SERINC5: variants seen among roughly 807,000 people sequenced by gnomAD.
The protein encoded by SERINC5 is serine incorporator 5.
SERINC5 carries 41 observed loss-of-function variants against 63.1 expected under a neutral mutation model. That is an observed-to-expected ratio of 0.65 (90% CI 0.51 to 0.84). The LOEUF (loss-of-function observed/expected upper bound fraction) is 0.84. Among genes scored for constraint, SERINC5 ranks in the 40% least tolerant of loss-of-function variants. The pLI, the probability that SERINC5 is intolerant of heterozygous loss-of-function variation, is 0.00. For missense variants in SERINC5, 523 were observed against 573.0 expected, an observed-to-expected ratio of 0.91 and a Z score of 0.89; for synonymous variants, 222 against 215.2, an observed-to-expected ratio of 1.03 and a Z score of -0.28.
chr5:80,152,831 C>T (rs112388840), intron 8 of SERINC5, among the ~76,000 whole-genome samples: 8,222 of 152,198 alleles, frequency 0.054, 756 homozygotes, highest in African/African-American at 0.19. Context: ...ATCCCAGCTG[C>T]TCAGGGGGCT....
chr5:80,116,458 C>G, intron 11 of SERINC5: 1 of 406,194 alleles, frequency 2.5e-6, no homozygotes, highest in East Asian at 7.3e-5. Context: ...CCGTTCCCTT[C>G]CCTGGGACTT....
chr5:80,184,487 GCCAGGGC>G (rs1296663123), intron 2 of SERINC5, among the ~76,000 whole-genome samples: 1 of 152,156 alleles, frequency 6.6e-6, no homozygotes, highest in Non-Finnish European at 1.5e-5. Context: ...CTGGAATGCG[GCCAGGGC>G]CCTTTAAGGC....
In SERINC5 at chr5:80,177,411, G is replaced by GA. The variant is rs751813287; in HGVS notation, c.375-15dup. ...AAGAACCAAAAGCTAGAAGTGGGGGGAAAAAAAAGAGGAAATGTATTTAAA... is the reference window on the plus strand; with the variant it reads ...AAGAACCAAAAGCTAGAAGTGGGGGGAAAAAAAAAGAGGAAATGTATTTAAA... On this transcript the variant is annotated splice_polypyrimidine_tract_variant and intron_variant, in intron 3 of 11. Coordinates refer to ENST00000507668, the MANE Select transcript of SERINC5 (RefSeq NM_001174072.3). 52 of 1,583,630 alleles carry GA rather than the reference G, an allele frequency of 3.3e-5. No individual in the cohort carries two copies. The highest frequency in any genetic ancestry group is 5.6e-5 in the South Asian group (5 of 89,484).
Position 80,139,550 on chromosome 5 carries a change from C to T in SERINC5, c.*4113G>A. ...TTTGGTAAAGGCCAAATATTTCAAC[C>T]TTTCAAAATGACTGCCTCTGTGAAA... On this transcript the variant is annotated 3_prime_UTR_variant, in exon 12 of 12. Transcript: ENST00000507668. 1.0e-6 allele frequency: 1 copy of T among 982,936 alleles called. No individual in the cohort carries two copies. The highest frequency in any genetic ancestry group is 1.8e-5 in the African/African-American group (1 of 55,240). 60.9% of individuals were successfully genotyped at this position (982,936 alleles called of 1,614,324 possible).
At chr5:80,153,777 G>C (rs1198851248) in intron 8 of SERINC5, among the ~76,000 whole-genome samples, 1 of 150,408 alleles carries the variant, frequency 6.6e-6, no homozygotes. Context: ...CAGCCAAAAT[G>C]CCAGCAGTGC....
At chr5:80,182,228 G>A (rs1018756383) in intron 2 of SERINC5, among the ~76,000 whole-genome samples, 2 of 152,220 alleles carry the variant, frequency 1.3e-5, no homozygotes, top group Non-Finnish European at 2.9e-5. Context: ...ACAAATGTTC[G>A]TGGACCTGGT....
chr5:80,143,049 A>C lies in SERINC5; in HGVS notation c.*614T>G, dbSNP rs1241022016. 2.0e-6 allele frequency: 2 copies of C among 985,320 alleles called. No individual in the cohort carries two copies. The highest frequency in any genetic ancestry group is 1.7e-5 in the African/African-American group (1 of 57,212). The allele number at this position is 985,320 out of a possible 1,614,324, so 61.0% of individuals were successfully genotyped here. On this transcript the variant is annotated 3_prime_UTR_variant, in exon 12 of 12. Coordinates refer to ENST00000507668, the MANE Select transcript of SERINC5 (RefSeq NM_001174072.3). ...ACCTCGGGGAAGGGTGCAGGCAGAGAGTGAAGTCTGTGATTCCCAGCATCA... is the reference window on the plus strand; with the variant it reads ...ACCTCGGGGAAGGGTGCAGGCAGAGCGTGAAGTCTGTGATTCCCAGCATCA...
intron 1 of SERINC5, among the ~76,000 whole-genome samples, chr5:80,211,688 T>C (rs1049821736): frequency 1.2e-4 from 18 of 152,206 alleles, no homozygotes; most frequent in African/African-American, 4.3e-4. Context: ...TAAGTTGATG[T>C]GAAAGCCTGA....
chr5:80,167,057 A>C (rs943429573), intron 6 of SERINC5: 1 of 152,462 alleles, frequency 6.6e-6, no homozygotes, highest in Non-Finnish European at 1.5e-5. Context: ...GAATGGCTTT[A>C]AGGTTATTTA....
chr5:80,241,199 A>G (rs1342720686), intron 1 of SERINC5, among the ~76,000 whole-genome samples: 1 of 152,028 alleles, frequency 6.6e-6, no homozygotes, highest in Non-Finnish European at 1.5e-5. Flanking sequence ...GGCTGGGCAC[A>G]GTGGCTCACA....
intron 1 of SERINC5, among the ~76,000 whole-genome samples, chr5:80,230,301 A>T (rs7714082): frequency 0.53 from 80,827 of 151,632 alleles, 22,820 homozygotes; most frequent in African/African-American, 0.73. Context: ...TGAAACCCTG[A>T]CTCTACTAAA....
chr5:80,204,449 T>C (rs533254929), intron 1 of SERINC5, among the ~76,000 whole-genome samples: 1 of 152,336 alleles, frequency 6.6e-6, no homozygotes, highest in East Asian at 1.9e-4. Flanking sequence ...CCAGGTCTTC[T>C]GTAGGTCGAC....
chr5:80,172,346 C>CA (rs565503285), intron 5 of SERINC5, among the ~76,000 whole-genome samples: 2 of 151,546 alleles, frequency 1.3e-5, no homozygotes, highest in Non-Finnish European at 2.9e-5. Flanking sequence ...TTGTTCAGAA[C>CA]AAAAAAAAGT....
chr5:80,147,376 C>T, intron 9 of SERINC5, 92 bp from the exon 10 acceptor site: 1 of 1,299,662 alleles, frequency 7.7e-7, no homozygotes, highest in East Asian at 2.5e-5. Flanking sequence ...AACCACCTCC[C>T]AGGCCCTTCA....
intron 2 of SERINC5, among the ~76,000 whole-genome samples, chr5:80,187,175 A>T (rs1444759916): frequency 6.6e-6 from 1 of 152,160 alleles, no homozygotes; most frequent in Admixed American, 6.6e-5. Context: ...CAAAAAAAAG[A>T]AAAAAGAAAA....
chr5:80,137,040 G>A (rs1745209463), downstream of SERINC5, among the ~76,000 whole-genome samples: 1 of 151,320 alleles, frequency 6.6e-6, no homozygotes, highest in South Asian at 2.1e-4. Context: ...ATGAGGCTGA[G>A]GTGGGAGAAT....
In SERINC5 at chr5:80,139,895, A is replaced by G. The variant is rs1256390721; in HGVS notation, c.*3768T>C. 5.9e-5 allele frequency: 58 copies of G among 985,410 alleles called. No individual in the cohort carries two copies. The highest frequency in any genetic ancestry group is 6.9e-5 in the Non-Finnish European group (57 of 829,920). 61.0% of individuals were successfully genotyped at this position (985,410 alleles called of 1,614,324 possible). A position where few individuals can be genotyped will look rare whatever the true frequency, so the allele number is the denominator to read the frequency against. Reference sequence around the variant, plus strand: ...TCCAAGAGGTATAGGACACTAGAGTACACCAAATGAGATACTATTTGGAAA... The same window carrying G: ...TCCAAGAGGTATAGGACACTAGAGTGCACCAAATGAGATACTATTTGGAAA... On this transcript the variant is annotated 3_prime_UTR_variant, in exon 12 of 12. Transcript: ENST00000507668.
At chr5:80,123,889 C>G (rs79709946) in intron 11 of SERINC5, among the ~76,000 whole-genome samples, 1 of 152,110 alleles carries the variant, frequency 6.6e-6, no homozygotes, top group East Asian at 1.9e-4. Flanking sequence ...GTTTCTGTGC[C>G]TCTTGTTCTA....
At chr5:80,163,341 G>T (rs982852548) in intron 7 of SERINC5, among the ~76,000 whole-genome samples, 2 of 152,224 alleles carry the variant, frequency 1.3e-5, no homozygotes, top group African/African-American at 4.8e-5. Flanking sequence ...CCTCTTGCCT[G>T]AGTGTCCTGG....
Sources: gnomAD v4.1 joint callset for allele counts (sites outside exome capture counted in the v4.1 genomes callset) on GRCh38, gnomAD v4.1.1 for gene constraint, MANE v1.5 for transcripts, NCBI Gene and HGNC (gene_info 2026-07-23, HGNC 2026-07-21) for gene names.